The following CABP1 variants were observed in gnomAD, a reference collection of about 807,000 sequenced individuals.
The protein encoded by CABP1 is calcium-binding protein 1.
In CABP1, 17 loss-of-function variants were observed where a neutral mutation model predicts 34.3. That is an observed-to-expected ratio of 0.50 (90% CI 0.34 to 0.74). The LOEUF (loss-of-function observed/expected upper bound fraction) is 0.74. Among genes scored for constraint, CABP1 ranks in the 30% least tolerant of loss-of-function variants. The probability of loss-of-function intolerance (pLI) is 0.01; values close to 1 mark genes in which losing one functional copy is unlikely to be tolerated. For missense variants in CABP1, 373 were observed against 511.1 expected (o/e 0.73, Z 2.61); for synonymous variants, 198 against 229.2 (o/e 0.86, Z 1.23).
In CABP1 at chr12:120,640,927, G is replaced by A. The variant is rs912372484; in HGVS notation, c.242G>A (p.Gly81Glu). The change falls in exon 1 of 6, where the codon GGG (glycine) becomes GAG (glutamate). Residue 81 changes from glycine (G) to glutamate (E), a missense_variant. Transcript: ENST00000316803. This position sits in a 1 kb window ranked among gnomAD's most constrained non-coding sequence, Gnocchi z 6.2. Reference sequence around the variant, plus strand: ...AAGGCGGCGGCGGCGGCGGCGAGCGGGGGCAGCCGGGCTCCCCGCCACGGC... The same window carrying A: ...AAGGCGGCGGCGGCGGCGGCGAGCGAGGGCAGCCGGGCTCCCCGCCACGGC... ...LLKAAAAAAS[G>E]GSRAPRHGPA... The A allele has an allele frequency of 1.8e-6, 2 of 1,119,140 alleles. No homozygotes were observed. Among genetic ancestry groups the A allele is most frequent in the Non-Finnish European group, 2.2e-6 (2 of 916,526 alleles). 69.3% of individuals were successfully genotyped at this position (1,119,140 alleles called of 1,614,324 possible).
the CABP1 span, among the ~76,000 whole-genome samples, chr12:120,678,740 T>C: frequency 2.6e-5 from 4 of 152,136 alleles, no homozygotes; most frequent in Non-Finnish European, 5.9e-5. Flanking sequence ...ACTGATCACT[T>C]AGCTACGTGC....
At position 120,660,109 on chromosome 12, in the gene CABP1, A is replaced by G; in HGVS notation, c.686-87A>G. The G allele has an allele frequency of 6.5e-7, 1 of 1,542,290 alleles. No individual in the cohort carries two copies. Among genetic ancestry groups the G allele is most frequent in the Non-Finnish European group, 8.9e-7 (1 of 1,129,942 alleles). ...GGGAAGCTCCTGGGCCTCTCTTTCC[A>G]TGCCGGTGGGCCTTTGGGCTGCCTT... On this transcript the variant is annotated intron_variant, in intron 2 of 5. Coordinates refer to ENST00000316803, the MANE Select transcript of CABP1 (RefSeq NM_001033677.2). The surrounding 1 kb of genome is among the most constrained non-coding windows in gnomAD (Gnocchi z 5.0).
chr12:120,680,340 G>A, the CABP1 span, among the ~76,000 whole-genome samples: 1 of 152,192 alleles, frequency 6.6e-6, no homozygotes, highest in Non-Finnish European at 1.5e-5. Context: ...AGGAAGTGAT[G>A]TGACTGGGAA....
At chr12:120,655,058 G>A (rs1417476556) in intron 1 of CABP1, among the ~76,000 whole-genome samples, 2 of 152,210 alleles carry the variant, frequency 1.3e-5, no homozygotes, top group Admixed American at 6.5e-5. Context: ...GATGTGCCTT[G>A]TGTGGCCCAC....
At chr12:120,657,370 C>T (rs1811904429) in intron 1 of CABP1, among the ~76,000 whole-genome samples, 1 of 152,176 alleles carries the variant, frequency 6.6e-6, no homozygotes, top group Non-Finnish European at 1.5e-5. Context: ...TGAATGCACA[C>T]TAAGGCCCTG....
chr12:120,652,863 G>A (rs1879935163), intron 1 of CABP1, among the ~76,000 whole-genome samples: 1 of 152,136 alleles, frequency 6.6e-6, no homozygotes, highest in African/African-American at 2.4e-5. Flanking sequence ...CGTTGCCTTG[G>A]TGCCAGGAGA....
At chr12:120,675,937 G>A in the CABP1 span, among the ~76,000 whole-genome samples, 9,081 of 152,184 alleles carry the variant, frequency 0.06, 315 homozygotes, top group South Asian at 0.11. Flanking sequence ...TTAGCTGGGC[G>A]TGGTGGTGGG....
Position 120,655,079 on chromosome 12 carries a change from A to G in CABP1, c.655-4799A>G, listed in dbSNP as rs543223320. Among the ~76,000 whole-genome samples, 10 of 152,290 alleles carry G rather than the reference A, an allele frequency of 6.6e-5. No homozygotes were observed. In the South Asian group the frequency reaches 1.9e-3, roughly 28 times the overall value. On this transcript the variant is annotated intron_variant, in intron 1 of 5. Transcript: ENST00000316803. ...CCTTGTGTGGCCCACCCGGTGCTTTAAATCAGATCTGGTTACACTGGGCTG... is the reference window on the plus strand; with the variant it reads ...CCTTGTGTGGCCCACCCGGTGCTTTGAATCAGATCTGGTTACACTGGGCTG...
rs550069076 is a variant in CABP1 at position 120,655,401 on chromosome 12, C to G, written c.655-4477C>G. The G allele has an allele frequency of 9.8e-5, 31 of 316,332 alleles. No individual in the cohort carries two copies. The Admixed American group carries it at 1.0e-3, about 10-fold the overall frequency. 19.6% of individuals were successfully genotyped at this position (316,332 alleles called of 1,614,324 possible). ...TGAGCCAAGATCACGCCACTGCACT[C>G]CAGCCTGGGCGACAGAGTGCACTAG... On this transcript the variant is annotated intron_variant, in intron 1 of 5. Transcript: ENST00000316803.
intron 5 of CABP1, among the ~76,000 whole-genome samples, chr12:120,663,998 C>T (rs1433441202): frequency 1.3e-5 from 2 of 152,232 alleles, no homozygotes; most frequent in Non-Finnish European, 1.5e-5. Context: ...GAGGTTTTCT[C>T]TCAGGAGCAG....
intron 5 of CABP1, among the ~76,000 whole-genome samples, chr12:120,663,326 G>A (rs1214866561): frequency 6.6e-6 from 1 of 152,100 alleles, no homozygotes; most frequent in African/African-American, 2.4e-5. Context: ...CCAGGCTGGA[G>A]TGCAGTGGCG....
intron 1 of CABP1, chr12:120,656,387 C>A (rs990009258): frequency 9.6e-7 from 1 of 1,043,132 alleles, no homozygotes; most frequent in Non-Finnish European, 1.3e-6. Flanking sequence ...TGAATCTGAT[C>A]CCCAAAGTTT....
At chr12:120,662,973 C>T (rs964551579) in intron 5 of CABP1, among the ~76,000 whole-genome samples, 1 of 152,184 alleles carries the variant, frequency 6.6e-6, no homozygotes, top group South Asian at 2.1e-4. Context: ...GTGTGAGCCA[C>T]TGCATCTGGC....
chr12:120,650,350 C>G (rs1159538912), intron 1 of CABP1: 13 of 703,076 alleles, frequency 1.8e-5, no homozygotes, highest in Admixed American at 3.4e-5. Flanking sequence ...TCCCTGTGCC[C>G]TGCACTCTCC....
chr12:120,657,084 C>T (rs913343864), intron 1 of CABP1, among the ~76,000 whole-genome samples: 4 of 152,164 alleles, frequency 2.6e-5, no homozygotes, highest in African/African-American at 4.8e-5. Flanking sequence ...TTCTAAATTC[C>T]GTGCTGTCCG....
At chr12:120,656,078 T>G (rs772279321) in intron 1 of CABP1, 73 of 1,613,998 alleles carry the variant, frequency 4.5e-5, no homozygotes, top group Non-Finnish European at 6.1e-5. Context: ...TGCATTTGCT[T>G]GGTGCTGGCT....
the CABP1 span, among the ~76,000 whole-genome samples, chr12:120,679,602 C>T: frequency 5.9e-5 from 9 of 151,998 alleles, no homozygotes; most frequent in Admixed American, 6.6e-5. Flanking sequence ...CCGAGGTGGG[C>T]GGATCACCTG....
At chr12:120,658,166 T>A (rs913642424) in intron 1 of CABP1, among the ~76,000 whole-genome samples, 1 of 144,758 alleles carries the variant, frequency 6.9e-6, no homozygotes, top group African/African-American at 2.6e-5. Context: ...CAATCTTGGA[T>A]CACTGCAATC....
intron 2 of CABP1, 55 bp downstream of exon 2, chr12:120,659,963 G>C: frequency 1.3e-6 from 2 of 1,571,426 alleles, no homozygotes; most frequent in Non-Finnish European, 1.7e-6. Flanking sequence ...GAAGGTGTGG[G>C]AAGGGAGGTT....
Sources: allele counts gnomAD v4.1 joint callset (sites outside exome capture counted in the v4.1 genomes callset), GRCh38; gene constraint gnomAD v4.1.1; non-coding constraint Gnocchi (gnomAD v3.1); transcripts MANE v1.5; gene names NCBI Gene and HGNC (gene_info 2026-07-23, HGNC 2026-07-21).